STARD13: variants seen among roughly 807,000 people sequenced by gnomAD.
STARD13 encodes the protein stAR-related lipid transfer protein 13.
STARD13 carries 62 observed loss-of-function variants against 106.4 expected under a neutral mutation model. The ratio of observed to expected loss-of-function variants is 0.58; its 90% CI spans 0.48 to 0.72. The LOEUF (loss-of-function observed/expected upper bound fraction) is 0.72, where lower values mean the gene tolerates loss of function less well. Ranked by LOEUF, STARD13 falls within the 30% of genes least tolerant of loss-of-function variation. The probability of loss-of-function intolerance (pLI) is 0.00; values close to 1 mark genes in which losing one functional copy is unlikely to be tolerated. For synonymous variants in STARD13, 565 were observed against 553.0 expected (o/e 1.02, Z -0.31); for missense variants, 1,387 against 1,424.0 (o/e 0.97, Z 0.42).
chr13:33,477,323 G>T, the STARD13 span, among the ~76,000 whole-genome samples: 9 of 152,102 alleles, frequency 5.9e-5, no homozygotes, highest in Admixed American at 5.9e-4. Context: ...TGTTTACTTG[G>T]CTATAAGACT....
At chr13:33,272,167 G>A (rs1215218108) in intron 1 of STARD13, among the ~76,000 whole-genome samples, 2 of 152,190 alleles carry the variant, frequency 1.3e-5, no homozygotes, top group Non-Finnish European at 2.9e-5. Flanking sequence ...AGTAGCTACA[G>A]GTTTAGTAAC....
the STARD13 span, among the ~76,000 whole-genome samples, chr13:33,385,223 ATATAT>A: frequency 2.4e-3 from 242 of 101,588 alleles, 4 homozygotes; most frequent in African/African-American, 0.012. Flanking sequence ...TTCGGAATAT[ATATAT>A]ATATATATAT....
chr13:33,647,932 A>G, the STARD13 span, among the ~76,000 whole-genome samples: 1 of 152,334 alleles, frequency 6.6e-6, no homozygotes, highest in African/African-American at 2.4e-5. Flanking sequence ...TATTCAGTGA[A>G]TGAATATACT....
the STARD13 span, among the ~76,000 whole-genome samples, chr13:33,525,934 T>C: frequency 2.6e-5 from 4 of 152,258 alleles, no homozygotes; most frequent in Middle Eastern, 3.4e-3. Context: ...TGACATTTAT[T>C]CAACACTTCC....
the STARD13 span, among the ~76,000 whole-genome samples, chr13:33,551,068 A>G: frequency 6.6e-6 from 1 of 152,206 alleles, no homozygotes; most frequent in Admixed American, 6.5e-5. Context: ...ATACCTTTAT[A>G]CCACAGAGAA....
the STARD13 span, among the ~76,000 whole-genome samples, chr13:33,375,025 G>A: frequency 0.48 from 73,242 of 152,018 alleles, 19,918 homozygotes; most frequent in African/African-American, 0.73. Flanking sequence ...AGGTTTTAAA[G>A]GCTGCAAGTT....
chr13:33,500,551 T>A, the STARD13 span, among the ~76,000 whole-genome samples: 1 of 152,210 alleles, frequency 6.6e-6, no homozygotes, highest in East Asian at 1.9e-4. Context: ...GTATTAAAGA[T>A]GTTCAATGAA....
intron 3 of STARD13, among the ~76,000 whole-genome samples, chr13:33,151,008 G>A (rs1881202993): frequency 6.6e-6 from 1 of 152,122 alleles, no homozygotes; most frequent in African/African-American, 2.4e-5. Context: ...ATAGAAACAT[G>A]ATTAAAAAGA....
chr13:33,267,004 T>C (rs1890929373), intron 1 of STARD13, among the ~76,000 whole-genome samples: 1 of 152,212 alleles, frequency 6.6e-6, no homozygotes, highest in Non-Finnish European at 1.5e-5. Flanking sequence ...CTCTTAAATA[T>C]TTGTGATAAG....
At chr13:33,580,965 G>A in the STARD13 span, among the ~76,000 whole-genome samples, 1 of 152,216 alleles carries the variant, frequency 6.6e-6, no homozygotes, top group East Asian at 1.9e-4. Context: ...TATAGTTTCA[G>A]TTGTCTTGAA....
At chr13:33,479,633 A>G in the STARD13 span, among the ~76,000 whole-genome samples, 1 of 152,116 alleles carries the variant, frequency 6.6e-6, no homozygotes, top group East Asian at 1.9e-4. Context: ...TATACTTTGG[A>G]TATGTGTCCT....
At chr13:33,344,032 T>C (rs532246620), downstream of STARD13, among the ~76,000 whole-genome samples, 132 of 152,300 alleles carry the variant, frequency 8.7e-4, 1 homozygote, top group Middle Eastern at 6.8e-3. Context: ...AACCCTGTAT[T>C]CGCCCCAGAA....
At chr13:33,392,772 A>T in the STARD13 span, among the ~76,000 whole-genome samples, 1 of 152,200 alleles carries the variant, frequency 6.6e-6, no homozygotes, top group Non-Finnish European at 1.5e-5. Flanking sequence ...ATATCTTCTT[A>T]ATATCCCCTA....
At chr13:33,441,364 T>G in the STARD13 span, among the ~76,000 whole-genome samples, 1 of 152,220 alleles carries the variant, frequency 6.6e-6, no homozygotes, top group Non-Finnish European at 1.5e-5. Context: ...TTCAATCTTC[T>G]TAAAATCCTT....
intron 1 of STARD13, among the ~76,000 whole-genome samples, chr13:33,237,836 T>C (rs1889269515): frequency 6.6e-6 from 1 of 152,238 alleles, no homozygotes; most frequent in East Asian, 1.9e-4. Context: ...TAGAATCAAA[T>C]GAAACATTTT....
intron 1 of STARD13, among the ~76,000 whole-genome samples, chr13:33,243,955 T>C (rs1429602195): frequency 6.6e-6 from 1 of 151,696 alleles, no homozygotes; most frequent in African/African-American, 2.4e-5. Flanking sequence ...TGGATGGGAA[T>C]AGAGGTTGAG....
rs897520586 is a variant in STARD13 at position 33,110,604 on chromosome 13, A to G, written c.2829+82T>C. ...GTGTGCCAAGCCCTGTGGACACAGC[A>G]GCTGTTTTCAATGCAAAAACAAATG... On this transcript the variant is annotated intron_variant, in intron 11 of 13. Coordinates refer to ENST00000336934, the MANE Select transcript of STARD13 (RefSeq NM_178006.4). 9 of 1,177,130 alleles carry G rather than the reference A, an allele frequency of 7.6e-6. No homozygotes were observed. In the African/African-American group the frequency reaches 1.4e-4, roughly 18 times the overall value. 72.9% of individuals were successfully genotyped at this position (1,177,130 alleles called of 1,614,324 possible). A position where few individuals can be genotyped will look rare whatever the true frequency, so the allele number is the denominator to read the frequency against.
At chr13:33,168,935 TA>T (rs2138382208) in intron 1 of STARD13, among the ~76,000 whole-genome samples, 1 of 152,344 alleles carries the variant, frequency 6.6e-6, no homozygotes, top group African/African-American at 2.4e-5. Flanking sequence ...ACTTTGTCAT[TA>T]AATCCAAGGA....
chr13:33,597,913 A>C, the STARD13 span, among the ~76,000 whole-genome samples: 1 of 152,148 alleles, frequency 6.6e-6, no homozygotes, highest in African/African-American at 2.4e-5. Context: ...ATTAGGCAGA[A>C]GTTGGATAAA....
Sources: allele counts gnomAD v4.1 joint callset (sites outside exome capture counted in the v4.1 genomes callset), GRCh38; gene constraint gnomAD v4.1.1; transcripts MANE v1.5; gene names NCBI Gene and HGNC (gene_info 2026-07-23, HGNC 2026-07-21).